TTLL7: variants seen among roughly 807,000 people sequenced by gnomAD.
The protein encoded by TTLL7 is tubulin polyglutamylase TTLL7.
In TTLL7, 53 loss-of-function variants were observed where a neutral mutation model predicts 120.2. That is an observed-to-expected ratio of 0.44 (90% CI 0.35 to 0.55). TTLL7 has a LOEUF of 0.55. Ranked by LOEUF, TTLL7 falls within the 20% of genes least tolerant of loss-of-function variation. TTLL7 has a pLI of 0.00. For synonymous variants in TTLL7, 353 were observed against 351.7 expected (o/e 1.00, Z -0.04); for missense variants, 803 against 1,054.7 (o/e 0.76, Z 3.31).
chr1:83,911,349 C>A lies in TTLL7; in HGVS notation c.1602G>T (p.Met534Ile). 1 of 1,611,736 alleles carries A rather than the reference C, an allele frequency of 6.2e-7. No homozygotes were observed. Residue 534 changes from methionine (M) to isoleucine (I), a missense_variant, in exon 15 of 21, where the codon ATG (methionine) becomes ATT (isoleucine). By Grantham distance (10) the Met-to-Ile change is conservative (BLOSUM62 1). Around this residue, in one of 3 missense-constraint regions of TTLL7, gnomAD observed 388 missense variants for 450.4 expected, o/e 0.86. Coordinates refer to ENST00000260505, the MANE Select transcript of TTLL7 (RefSeq NM_024686.6). The stretch of plus-strand genomic sequence containing the variant: ...TTTTCATTATCTCAGTACTCTCAGG[C>A]ATAGAACACAGAGGCTAAAAAAGAT... ...KTRGPKPLCS[M>I]PESTEIMKRP...
intron 1 of TTLL7, among the ~76,000 whole-genome samples, chr1:83,965,818 T>C (rs1043604513): frequency 1.3e-5 from 2 of 152,100 alleles, no homozygotes; most frequent in African/African-American, 4.8e-5. Context: ...AGATCTGACT[T>C]CTACATCATG....
At chr1:83,886,476 A>G (rs1280178508) in intron 19 of TTLL7, among the ~76,000 whole-genome samples, 2 of 152,080 alleles carry the variant, frequency 1.3e-5, no homozygotes, top group Non-Finnish European at 1.5e-5. Context: ...AAGTGATATG[A>G]AAACAGGGAG....
intron 1 of TTLL7, among the ~76,000 whole-genome samples, chr1:83,969,432 A>G (rs1470543739): frequency 6.6e-6 from 1 of 151,966 alleles, no homozygotes; most frequent in African/African-American, 2.4e-5. Flanking sequence ...TGACTTTAAT[A>G]TTATTAAATT....
At chr1:83,916,423 T>C (rs1404628116) in intron 14 of TTLL7, among the ~76,000 whole-genome samples, 2 of 141,830 alleles carry the variant, frequency 1.4e-5, no homozygotes, top group South Asian at 2.2e-4. Flanking sequence ...TTCTCACTCA[T>C]AGGTGGGAAT....
chr1:83,941,104 C>T (rs1647920900), intron 7 of TTLL7, among the ~76,000 whole-genome samples: 1 of 152,156 alleles, frequency 6.6e-6, no homozygotes, highest in Admixed American at 6.6e-5. Flanking sequence ...CAACACTACC[C>T]TATGCCTGAA....
At chr1:83,931,330 T>G (rs11163868) in intron 9 of TTLL7, among the ~76,000 whole-genome samples, 65,817 of 151,874 alleles carry the variant, frequency 0.43, 15,629 homozygotes, top group Non-Finnish European at 0.54. Flanking sequence ...CCATAATAGC[T>G]TCTGTGCTCC....
chr1:83,893,189 A>T (rs1211692111), intron 18 of TTLL7, among the ~76,000 whole-genome samples: 1 of 151,948 alleles, frequency 6.6e-6, no homozygotes, highest in Non-Finnish European at 1.5e-5. Context: ...AAATAATACT[A>T]AATAAAAGCA....
chr1:83,988,154 C>T (rs1010457526), intron 1 of TTLL7, among the ~76,000 whole-genome samples: 54 of 152,138 alleles, frequency 3.5e-4, no homozygotes, highest in Admixed American at 1.8e-3. Context: ...CCTGTTCCTG[C>T]GTTAATTTGC....
chr1:83,972,760 G>C (rs1651108867), intron 1 of TTLL7, among the ~76,000 whole-genome samples: 1 of 151,970 alleles, frequency 6.6e-6, no homozygotes, highest in Admixed American at 6.6e-5. Flanking sequence ...TTTGGATTTT[G>C]GCCATTCCAA....
chr1:83,974,111 A>C (rs2100579166), intron 1 of TTLL7, among the ~76,000 whole-genome samples: 1 of 152,176 alleles, frequency 6.6e-6, no homozygotes, highest in Middle Eastern at 3.4e-3. Context: ...AATAGGTCAA[A>C]AGAAAAAACA....
At chr1:83,950,722 T>A (rs563145768) in intron 3 of TTLL7, among the ~76,000 whole-genome samples, 3 of 151,956 alleles carry the variant, frequency 2.0e-5, no homozygotes, top group Non-Finnish European at 4.4e-5. Context: ...GAATCCTGAG[T>A]CTTAACAGAA....
chr1:83,971,511 T>C (rs1650982343), intron 1 of TTLL7, among the ~76,000 whole-genome samples: 1 of 152,138 alleles, frequency 6.6e-6, no homozygotes, highest in Middle Eastern at 3.4e-3. Flanking sequence ...TTTGGAGTGA[T>C]TTTGATAGAG....
intron 7 of TTLL7, among the ~76,000 whole-genome samples, chr1:83,941,186 G>A (rs1422347504): frequency 6.6e-6 from 1 of 152,130 alleles, no homozygotes; most frequent in African/African-American, 2.4e-5. Context: ...CTCCAACTGG[G>A]CTATGTGCCC....
chr1:83,955,096 T>A (rs1649394127), intron 1 of TTLL7, among the ~76,000 whole-genome samples: 1 of 152,196 alleles, frequency 6.6e-6, no homozygotes, highest in Non-Finnish European at 1.5e-5. Context: ...CCGTTGAGCT[T>A]CTACCACACT....
intron 14 of TTLL7, among the ~76,000 whole-genome samples, chr1:83,916,921 C>T (rs1467513561): frequency 1.3e-5 from 2 of 151,900 alleles, no homozygotes; most frequent in African/African-American, 2.4e-5. Flanking sequence ...GAGACACCAT[C>T]TCTTTAAAAA....
intron 18 of TTLL7, among the ~76,000 whole-genome samples, chr1:83,903,802 G>C (rs1056356272): frequency 3.3e-5 from 5 of 151,972 alleles, no homozygotes; most frequent in African/African-American, 9.7e-5. Context: ...GACATAGAAG[G>C]CTGACTGTAC....
rs1451229242 is a variant in TTLL7 at position 83,872,378 on chromosome 1, GATTA to G, written c.2544-2300_2544-2297del. Among the ~76,000 whole-genome samples the G allele has an allele frequency of 6.6e-5, 10 of 152,224 alleles. 1 individual carries two copies. Among genetic ancestry groups the G allele is most frequent in the South Asian group, 6.2e-4 (3 of 4,822 alleles). ...TAAGATCACTCGGTTACTTTATATG[GATTA>G]ATTATTATGTCAACAATTGGTGGGG... On this transcript the variant is annotated intron_variant, in intron 20 of 20. Coordinates refer to ENST00000260505, the MANE Select transcript of TTLL7 (RefSeq NM_024686.6).
chr1:83,924,621 G>A (rs1333581913), intron 10 of TTLL7, among the ~76,000 whole-genome samples: 1 of 152,144 alleles, frequency 6.6e-6, no homozygotes, highest in African/African-American at 2.4e-5. Context: ...ACTTTTGCAG[G>A]ATTAGACTTC....
intron 1 of TTLL7, chr1:83,979,525 A>C (rs1651780989): frequency 6.6e-6 from 1 of 152,230 alleles, no homozygotes; most frequent in African/African-American, 2.4e-5. Flanking sequence ...CTACACCTAC[A>C]TTTTAGCACA....
Sources: allele counts gnomAD v4.1 joint callset (sites outside exome capture counted in the v4.1 genomes callset), GRCh38; gene constraint gnomAD v4.1.1; regional missense constraint gnomAD v4.1.1; transcripts MANE v1.5; gene names NCBI Gene and HGNC (gene_info 2026-07-23, HGNC 2026-07-21).